The following SLC35F1 variants were observed in gnomAD, a reference collection of about 807,000 sequenced individuals.
SLC35F1 encodes chromosome 6 open reading frame 169.
SLC35F1 carries 14 observed loss-of-function variants against 48.7 expected under a neutral mutation model. The observed-to-expected ratio is 0.29, with a 90% CI of 0.19 to 0.45. The LOEUF is 0.45. Among genes scored for constraint, SLC35F1 ranks in the 20% least tolerant of loss-of-function variants. SLC35F1 has a pLI of 1.00. For synonymous variants in SLC35F1, 190 were observed against 202.2 expected, an observed-to-expected ratio of 0.94 and a Z score of 0.51; for missense variants, 404 against 500.0, an observed-to-expected ratio of 0.81 and a Z score of 1.83.
intron 1 of SLC35F1, among the ~76,000 whole-genome samples, chr6:118,095,898 T>C (rs1267668735): frequency 1.1e-4 from 17 of 152,120 alleles, no homozygotes; most frequent in Admixed American, 1.1e-3. Context: ...CACAGTTCAG[T>C]GTTTCTGTTT....
intron 1 of SLC35F1, among the ~76,000 whole-genome samples, chr6:118,011,936 A>G (rs746494739): frequency 1.1e-4 from 17 of 152,234 alleles, no homozygotes; most frequent in Non-Finnish European, 1.6e-4. Context: ...TTAGAGGTCA[A>G]TCAGAAAAAG....
At chr6:118,094,356 A>C (rs1361219702) in intron 1 of SLC35F1, among the ~76,000 whole-genome samples, 1 of 152,166 alleles carries the variant, frequency 6.6e-6, no homozygotes, top group Non-Finnish European at 1.5e-5. Context: ...GAGCCCACAA[A>C]ATTGCTTCCA....
intron 1 of SLC35F1, among the ~76,000 whole-genome samples, chr6:117,976,376 T>A (rs1231615039): frequency 6.6e-6 from 1 of 152,206 alleles, no homozygotes; most frequent in Non-Finnish European, 1.5e-5. Context: ...TTTCAAATTT[T>A]ACAAATTTTA....
chr6:118,149,869 G>A (rs1021806824), intron 1 of SLC35F1, among the ~76,000 whole-genome samples: 7 of 152,134 alleles, frequency 4.6e-5, no homozygotes, highest in Admixed American at 6.6e-5. Context: ...TTTCATCAGA[G>A]GGTCAGTCCC....
intron 2 of SLC35F1, among the ~76,000 whole-genome samples, chr6:118,196,057 G>A (rs1216297935): frequency 6.6e-6 from 1 of 152,180 alleles, no homozygotes; most frequent in Non-Finnish European, 1.5e-5. Context: ...TCCAGGGGGG[G>A]CCTCCTGATC....
chr6:117,926,670 A>G (rs1308123537), intron 1 of SLC35F1, among the ~76,000 whole-genome samples: 4 of 152,170 alleles, frequency 2.6e-5, no homozygotes, highest in African/African-American at 9.7e-5. Flanking sequence ...GGCTGCAGCC[A>G]TATATGAGAG....
chr6:118,081,067 A>G (rs1772899598), intron 1 of SLC35F1, among the ~76,000 whole-genome samples: 1 of 152,076 alleles, frequency 6.6e-6, no homozygotes, highest in Admixed American at 6.5e-5. Context: ...ATTATGGCTA[A>G]TTTCAGAAGC....
intron 3 of SLC35F1, among the ~76,000 whole-genome samples, chr6:118,241,459 G>A (rs1582747812): frequency 6.6e-6 from 1 of 152,088 alleles, no homozygotes; most frequent in East Asian, 1.9e-4. Flanking sequence ...AAAAATATAA[G>A]ATCCTTTGAA....
chr6:118,114,511 C>T (rs139507356), intron 1 of SLC35F1, among the ~76,000 whole-genome samples: 1,884 of 151,838 alleles, frequency 0.012, 15 homozygotes, highest in South Asian at 0.027. Flanking sequence ...TTAACTGGGA[C>T]TACAGGGGCC....
At chr6:118,262,053 AG>A (rs1775719324) in intron 3 of SLC35F1, among the ~76,000 whole-genome samples, 2 of 152,182 alleles carry the variant, frequency 1.3e-5, no homozygotes, top group African/African-American at 4.8e-5. Flanking sequence ...AGCTGTAAAG[AG>A]GGTTTGCAGC....
intron 3 of SLC35F1, among the ~76,000 whole-genome samples, chr6:118,257,178 C>G (rs1775656504): frequency 6.6e-6 from 1 of 151,802 alleles, no homozygotes; most frequent in Admixed American, 6.6e-5. Context: ...CTCTCTCTCT[C>G]TCTGTCTCTC....
At chr6:118,128,489 T>G (rs1358011364) in intron 1 of SLC35F1, among the ~76,000 whole-genome samples, 3 of 151,722 alleles carry the variant, frequency 2.0e-5, no homozygotes, top group Non-Finnish European at 2.9e-5. Flanking sequence ...CCATAAAAAA[T>G]GATGAGTTCA....
intron 7 of SLC35F1, among the ~76,000 whole-genome samples, chr6:118,312,537 A>T (rs1776383204): frequency 6.6e-6 from 1 of 152,240 alleles, no homozygotes; most frequent in Non-Finnish European, 1.5e-5. Context: ...ACATAAATCC[A>T]TCTGAAGTAG....
chr6:118,254,378 C>A (rs917423370), intron 3 of SLC35F1, among the ~76,000 whole-genome samples: 2 of 152,174 alleles, frequency 1.3e-5, no homozygotes, highest in Admixed American at 1.3e-4. Flanking sequence ...AACTTCTGGG[C>A]TCAAGTGATC....
chr6:117,929,453 A>ATGTGTGTGTGTGTGTGTGTG (rs143634465), intron 1 of SLC35F1, among the ~76,000 whole-genome samples: 2 of 145,994 alleles, frequency 1.4e-5, no homozygotes, highest in African/African-American at 5.1e-5. Context: ...GTATGTATTT[A>ATGTGTGTGTGTGTGTGTGTG]TGTGTGTGTG....
chr6:118,198,790 A>G (rs1774835066), intron 2 of SLC35F1, among the ~76,000 whole-genome samples: 1 of 152,196 alleles, frequency 6.6e-6, no homozygotes, highest in Admixed American at 6.5e-5. Context: ...GAATACCAGC[A>G]CCTGTTGCCA....
chr6:117,914,831 C>T (rs1051575065), intron 1 of SLC35F1, among the ~76,000 whole-genome samples: 7 of 151,960 alleles, frequency 4.6e-5, no homozygotes, highest in African/African-American at 1.5e-4. Context: ...AATTACTCAA[C>T]GTCTACATAG....
intron 1 of SLC35F1, among the ~76,000 whole-genome samples, chr6:117,911,882 A>G (rs1168465426): frequency 6.6e-6 from 1 of 152,208 alleles, no homozygotes; most frequent in Non-Finnish European, 1.5e-5. Flanking sequence ...TTTCTTAGAC[A>G]CATACAGGAG....
At chr6:118,240,053 ATG>A (rs1473577905) in intron 3 of SLC35F1, among the ~76,000 whole-genome samples, 3 of 152,240 alleles carry the variant, frequency 2.0e-5, no homozygotes, top group Non-Finnish European at 4.4e-5. Flanking sequence ...AACACATAGT[ATG>A]TGTTTTACTC....
Sources: allele counts gnomAD v4.1 joint callset (sites outside exome capture counted in the v4.1 genomes callset), GRCh38; gene constraint gnomAD v4.1.1; transcripts MANE v1.5; gene names NCBI Gene and HGNC (gene_info 2026-07-23, HGNC 2026-07-21).